Variants in SCFD2 observed in about 807,000 individuals in gnomAD.
SCFD2 encodes the protein sec1 family domain containing 2.
Under a neutral mutation model 58.9 loss-of-function variants are expected in SCFD2, and 54 were observed. The observed-to-expected ratio is 0.92, with a 90% CI of 0.74 to 1.15. The LOEUF (loss-of-function observed/expected upper bound fraction) is 1.15. Ranked by LOEUF, SCFD2 falls within the 50% of genes most tolerant of loss-of-function variation. The pLI, the probability that SCFD2 is intolerant of heterozygous loss-of-function variation, is 0.00. For missense variants in SCFD2, 805 were observed against 836.6 expected (o/e 0.96, Z 0.47); for synonymous variants, 321 against 335.9 (o/e 0.96, Z 0.49).
chr4:53,087,875 G>T (rs893025357), intron 5 of SCFD2, among the ~76,000 whole-genome samples: 18 of 150,096 alleles, frequency 1.2e-4, no homozygotes, highest in African/African-American at 3.7e-4. Context: ...TGGCCAGGCT[G>T]GTCTTGAACT....
chr4:52,894,099 C>T (rs910208028), intron 7 of SCFD2, among the ~76,000 whole-genome samples: 2 of 152,200 alleles, frequency 1.3e-5, no homozygotes, highest in Admixed American at 1.3e-4. Flanking sequence ...TTTGTTGCCA[C>T]TTAAGGCAAT....
At chr4:53,118,376 G>A (rs570187879) in intron 5 of SCFD2, among the ~76,000 whole-genome samples, 10 of 152,230 alleles carry the variant, frequency 6.6e-5, no homozygotes, top group African/African-American at 2.2e-4. Flanking sequence ...GCATTTCTCC[G>A]TCTTTGAGTA....
At chr4:53,340,632 T>C (rs998868529) in intron 2 of SCFD2, among the ~76,000 whole-genome samples, 6 of 151,966 alleles carry the variant, frequency 3.9e-5, no homozygotes, top group African/African-American at 1.5e-4. Flanking sequence ...CAGCACAGAG[T>C]TTGAGATCTG....
intron 7 of SCFD2, among the ~76,000 whole-genome samples, chr4:52,892,377 G>A (rs1047669156): frequency 2.0e-5 from 3 of 152,054 alleles, no homozygotes; most frequent in African/African-American, 7.2e-5. Context: ...TGCTGCCAGG[G>A]TGAACTTCAT....
chr4:53,214,750 T>C (rs1728754326), intron 4 of SCFD2, among the ~76,000 whole-genome samples: 1 of 152,186 alleles, frequency 6.6e-6, no homozygotes, highest in South Asian at 2.1e-4. Flanking sequence ...TGAATGGTAT[T>C]GCCTAGGTTT....
intron 5 of SCFD2, among the ~76,000 whole-genome samples, chr4:53,082,028 T>TC (rs1197288236): frequency 7.2e-5 from 11 of 152,216 alleles, no homozygotes; most frequent in Admixed American, 4.6e-4. Context: ...GTAGCATGTG[T>TC]CAGTACTTCA....
chr4:53,169,510 G>C (rs1358404863), intron 4 of SCFD2, among the ~76,000 whole-genome samples: 4 of 152,106 alleles, frequency 2.6e-5, no homozygotes, highest in Admixed American at 2.0e-4. Context: ...CAATGAACAT[G>C]AGAGTGCAGA....
intron 5 of SCFD2, among the ~76,000 whole-genome samples, chr4:53,038,738 G>A (rs1722824817): frequency 6.6e-6 from 1 of 151,640 alleles, no homozygotes; most frequent in Non-Finnish European, 1.5e-5. Context: ...ATTCATAGTG[G>A]AATACAGTGG....
At chr4:53,333,324 G>T (rs1366101862) in intron 2 of SCFD2, among the ~76,000 whole-genome samples, 1 of 146,770 alleles carries the variant, frequency 6.8e-6, no homozygotes, top group South Asian at 2.2e-4. Flanking sequence ...AAAGCTGGAG[G>T]CATCACGCTA....
intron 2 of SCFD2, among the ~76,000 whole-genome samples, chr4:53,325,106 C>T (rs1312676535): frequency 1.3e-5 from 2 of 152,064 alleles, no homozygotes; most frequent in Admixed American, 1.3e-4. Flanking sequence ...AAAACTCTAA[C>T]TTCCCTCTTA....
intron 3 of SCFD2, among the ~76,000 whole-genome samples, chr4:53,276,793 A>G (rs1328390173): frequency 2.0e-5 from 3 of 152,348 alleles, no homozygotes; most frequent in East Asian, 3.9e-4. Context: ...CCAGCAACAT[A>G]TGAGAGTTTT....
chr4:53,299,288 C>T (rs201964080), intron 3 of SCFD2, among the ~76,000 whole-genome samples: 1 of 152,086 alleles, frequency 6.6e-6, no homozygotes. Context: ...ACGAGAACTA[C>T]GTGATGAATG....
At chr4:53,058,849 T>C (rs1242135000) in intron 5 of SCFD2, among the ~76,000 whole-genome samples, 1 of 152,036 alleles carries the variant, frequency 6.6e-6, no homozygotes, top group Admixed American at 6.6e-5. Flanking sequence ...TAAAAACAGG[T>C]ACCACAAAGA....
At chr4:53,215,714 G>A (rs1325657350) in intron 4 of SCFD2, among the ~76,000 whole-genome samples, 5 of 152,074 alleles carry the variant, frequency 3.3e-5, no homozygotes, top group African/African-American at 1.2e-4. Flanking sequence ...GGGCATCCCT[G>A]TCTTGTGCCA....
intron 5 of SCFD2, among the ~76,000 whole-genome samples, chr4:53,018,024 CTG>C (rs1418062602): frequency 6.6e-6 from 1 of 152,218 alleles, no homozygotes; most frequent in Non-Finnish European, 1.5e-5. Context: ...TTCCTTAACT[CTG>C]TTTTTCTCCA....
chr4:53,333,537 G>A (rs886533519), intron 2 of SCFD2, among the ~76,000 whole-genome samples: 2 of 151,366 alleles, frequency 1.3e-5, no homozygotes, highest in African/African-American at 2.4e-5. Context: ...TGGGAAAACT[G>A]GCTAGCCATA....
At chr4:53,147,374 GA>G (rs958970208) in intron 4 of SCFD2, among the ~76,000 whole-genome samples, 65 of 152,066 alleles carry the variant, frequency 4.3e-4, no homozygotes, top group Admixed American at 3.9e-4. Flanking sequence ...TCCACACCTG[GA>G]AAAATTTGGA....
At chr4:52,884,504 G>T (rs1256576522) in intron 8 of SCFD2, among the ~76,000 whole-genome samples, 1 of 152,164 alleles carries the variant, frequency 6.6e-6, no homozygotes, top group Non-Finnish European at 1.5e-5. Context: ...GCCACCAGTG[G>T]ACCGCGCCCA....
chr4:53,242,091 A>G (rs1287624281), intron 4 of SCFD2, among the ~76,000 whole-genome samples: 1 of 152,332 alleles, frequency 6.6e-6, no homozygotes, highest in Non-Finnish European at 1.5e-5. Flanking sequence ...CTGGCACCCC[A>G]GCACCCACTA....
Sources: gnomAD v4.1 joint callset for allele counts (sites outside exome capture counted in the v4.1 genomes callset) on GRCh38, gnomAD v4.1.1 for gene constraint, MANE v1.5 for transcripts, NCBI Gene and HGNC (gene_info 2026-07-23, HGNC 2026-07-21) for gene names.